Variants in TMEM132D observed in about 807,000 individuals in gnomAD.
TMEM132D encodes the protein transmembrane protein 132D, also known as mature OL transmembrane protein.
A neutral mutation model predicts 62.3 loss-of-function variants in TMEM132D; 21 were observed. The ratio of observed to expected loss-of-function variants is 0.34; its 90% CI spans 0.24 to 0.49. The LOEUF (loss-of-function observed/expected upper bound fraction) is 0.49, where lower values mean the gene tolerates loss of function less well. Ranked by LOEUF, TMEM132D falls within the 20% of genes least tolerant of loss-of-function variation. The pLI, the probability that TMEM132D is intolerant of heterozygous loss-of-function variation, is 0.99. For synonymous variants in TMEM132D, 621 were observed against 575.6 expected (o/e 1.08, Z -1.13); for missense variants, 1,346 against 1,402.8 (o/e 0.96, Z 0.65).
intron 2 of TMEM132D, among the ~76,000 whole-genome samples, chr12:129,690,103 T>C (rs1489503136): frequency 6.6e-6 from 1 of 152,196 alleles, no homozygotes; most frequent in Non-Finnish European, 1.5e-5. Context: ...GAAAACTCAG[T>C]TGTAAGTTAC....
At chr12:129,577,553 T>C (rs1282133334) in intron 2 of TMEM132D, among the ~76,000 whole-genome samples, 2 of 151,740 alleles carry the variant, frequency 1.3e-5, no homozygotes, top group African/African-American at 4.9e-5. Context: ...TTGATAAATG[T>C]TGACTTTTTA....
At chr12:129,435,068 T>C (rs1872753121) in intron 3 of TMEM132D, among the ~76,000 whole-genome samples, 1 of 152,198 alleles carries the variant, frequency 6.6e-6, no homozygotes, top group South Asian at 2.1e-4. Flanking sequence ...TGTACCGTAT[T>C]TGTCCTTCTG....
intron 4 of TMEM132D, among the ~76,000 whole-genome samples, chr12:129,236,163 AG>A (rs1183464276): frequency 6.7e-6 from 1 of 148,970 alleles, no homozygotes; most frequent in African/African-American, 2.5e-5. Context: ...TATGAGAGAG[AG>A]AGAGAGAGAG....
At chr12:129,729,241 C>T (rs938621434) in intron 1 of TMEM132D, among the ~76,000 whole-genome samples, 1 of 152,186 alleles carries the variant, frequency 6.6e-6, no homozygotes, top group African/African-American at 2.4e-5. Context: ...CATAGAGTCA[C>T]TGGCAAAAAC....
At chr12:129,892,468 C>T (rs1425986485) in intron 1 of TMEM132D, among the ~76,000 whole-genome samples, 4 of 152,122 alleles carry the variant, frequency 2.6e-5, no homozygotes, top group African/African-American at 4.8e-5. Context: ...TCTGAGTGAA[C>T]AGATGGGCCG....
At chr12:129,336,827 C>T (rs1322925651) in intron 4 of TMEM132D, among the ~76,000 whole-genome samples, 2 of 152,154 alleles carry the variant, frequency 1.3e-5, no homozygotes, top group East Asian at 1.9e-4. Context: ...AGGAGGTGCT[C>T]AGGGAGAGCT....
rs1877853350 is a variant in TMEM132D, at chr12:129,581,286, C to T, written c.969-50081G>A. Among the ~76,000 whole-genome samples the T allele has an allele frequency of 2.0e-5, 3 of 152,168 alleles. No individual in the cohort carries two copies. In the South Asian group the frequency reaches 6.2e-4, roughly 32 times the overall value. On this transcript the variant is annotated intron_variant, in intron 2 of 8. Coordinates refer to ENST00000422113, the MANE Select transcript of TMEM132D (RefSeq NM_133448.3). Reference sequence around the variant, plus strand: ...CGTTGGCACCATGCTTCTTGCAAAGCCTGCAGAACCATGAGCCAAGTGTAC... The same window carrying T: ...CGTTGGCACCATGCTTCTTGCAAAGTCTGCAGAACCATGAGCCAAGTGTAC...
rs536306294 is a variant in TMEM132D at position 129,308,708 on chromosome 12, T to C, written c.1299+28926A>G. 1.7e-4 allele frequency among the ~76,000 whole-genome samples: 26 copies of C among 152,236 alleles called. No individual in the cohort carries two copies. The East Asian group carries it at 4.4e-3, about 26-fold the overall frequency. ...CAATAAATAGCACATACCACTGAGATGGTAAATGGATTTATTAACTGGAGT... is the reference window on the plus strand; with the variant it reads ...CAATAAATAGCACATACCACTGAGACGGTAAATGGATTTATTAACTGGAGT... On this transcript the variant is annotated intron_variant, in intron 4 of 8. Transcript: ENST00000422113.
chr12:129,517,152 G>GGTGGGA, intron 3 of TMEM132D, among the ~76,000 whole-genome samples: 1 of 152,094 alleles, frequency 6.6e-6, no homozygotes, highest in Admixed American at 6.6e-5. Context: ...TGAGGGTGAG[G>GGTGGGA]GTGGGAGTGG....
intron 3 of TMEM132D, among the ~76,000 whole-genome samples, chr12:129,346,171 G>A (rs573569297): frequency 1.3e-5 from 2 of 152,118 alleles, no homozygotes; most frequent in Non-Finnish European, 2.9e-5. Flanking sequence ...TCTTTGTAGG[G>A]TGTGTTTGTC....
At chr12:129,316,337 G>T (rs1385924318) in intron 4 of TMEM132D, among the ~76,000 whole-genome samples, 1 of 152,010 alleles carries the variant, frequency 6.6e-6, no homozygotes, top group Non-Finnish European at 1.5e-5. Context: ...GGTTTTGATT[G>T]GTTGTGCCAT....
In TMEM132D at chr12:129,699,803, G is replaced by T; in HGVS notation, c.968+7C>A. 2 of 1,613,098 alleles carry T rather than the reference G, an allele frequency of 1.2e-6. No individual in the cohort carries two copies. The highest frequency in any genetic ancestry group is 2.2e-5 in the South Asian group (2 of 91,006). ...CGGGTACAGACAGACATTGGGAAAC[G>T]ACTTACCTCAACGTGAAGCGATCTT... On this transcript the variant is annotated splice_region_variant and intron_variant, in intron 2 of 8. Transcript: ENST00000422113.
intron 1 of TMEM132D, among the ~76,000 whole-genome samples, chr12:129,711,523 C>G (rs1380106953): frequency 1.3e-5 from 2 of 151,902 alleles, no homozygotes; most frequent in African/African-American, 4.8e-5. Flanking sequence ...GTCAGGTGTT[C>G]GAGACCAGCC....
At chr12:129,751,298 C>T (rs978904026) in intron 1 of TMEM132D, among the ~76,000 whole-genome samples, 4 of 152,100 alleles carry the variant, frequency 2.6e-5, no homozygotes, top group East Asian at 3.9e-4. Flanking sequence ...CAGGAGAGAG[C>T]GAGCGAGTGG....
At chr12:129,174,091 A>G (rs1347672461) in intron 5 of TMEM132D, among the ~76,000 whole-genome samples, 1 of 152,190 alleles carries the variant, frequency 6.6e-6, no homozygotes, top group African/African-American at 2.4e-5. Context: ...TGAAATAACG[A>G]TGCCCCGCTT....
intron 5 of TMEM132D, among the ~76,000 whole-genome samples, chr12:129,134,130 GTGTCTGTGTGTGTGTGTCTGTGTC>G (rs1263984198): frequency 7.0e-6 from 1 of 142,036 alleles, no homozygotes; most frequent in Non-Finnish European, 1.5e-5. Context: ...GTGTGTGTGT[GTGTCTGTGTGTGTGTGTCTGTGTC>G]TGTGTGTGTG....
chr12:129,623,806 C>T (rs1228312315), intron 2 of TMEM132D, among the ~76,000 whole-genome samples: 3 of 151,274 alleles, frequency 2.0e-5, no homozygotes, highest in African/African-American at 7.3e-5. Flanking sequence ...TCTTTACCTA[C>T]TTATCAGTTG....
At chr12:129,602,933 G>A (rs1287321816) in intron 2 of TMEM132D, among the ~76,000 whole-genome samples, 1 of 152,100 alleles carries the variant, frequency 6.6e-6, no homozygotes, top group East Asian at 1.9e-4. Context: ...GGTTGGAAAA[G>A]CCCCTAATAA....
At chr12:129,256,262 T>G (rs1464981713) in intron 4 of TMEM132D, among the ~76,000 whole-genome samples, 2 of 152,124 alleles carry the variant, frequency 1.3e-5, no homozygotes, top group Non-Finnish European at 2.9e-5. Context: ...TTGCTCACCA[T>G]CTGTCTTGCC....
Sources: allele counts gnomAD v4.1 joint callset (sites outside exome capture counted in the v4.1 genomes callset), GRCh38; gene constraint gnomAD v4.1.1; transcripts MANE v1.5; gene names NCBI Gene and HGNC (gene_info 2026-07-23, HGNC 2026-07-21).